The following TSHZ1 variants were observed in gnomAD, a reference collection of about 807,000 sequenced individuals.
TSHZ1 encodes teashirt homolog 1.
In TSHZ1, 12 loss-of-function variants were observed where a neutral mutation model predicts 67.1. That is an observed-to-expected ratio of 0.18 (90% CI 0.11 to 0.29). The LOEUF is 0.29. TSHZ1 is among the 10% of genes least tolerant of loss of function. TSHZ1 has a pLI of 1.00. For missense variants in TSHZ1, 1,305 were observed against 1,413.9 expected, an observed-to-expected ratio of 0.92 and a Z score of 1.23; for synonymous variants, 632 against 622.4, an observed-to-expected ratio of 1.02 and a Z score of -0.23.
At chr18:75,245,067 G>A (rs1264813376) in intron 1 of TSHZ1, among the ~76,000 whole-genome samples, 1 of 152,040 alleles carries the variant, frequency 6.6e-6, no homozygotes, top group Non-Finnish European at 1.5e-5. Flanking sequence ...GTTAATGAAC[G>A]AGTTGCAGTG....
intron 1 of TSHZ1, among the ~76,000 whole-genome samples, chr18:75,249,702 A>G (rs1386808331): frequency 7.0e-6 from 1 of 143,324 alleles, no homozygotes; most frequent in African/African-American, 2.7e-5. Flanking sequence ...TCACTCCTGC[A>G]GTAGGTAGGG....
At chr18:75,284,475 C>T (rs36046989) in intron 1 of TSHZ1, 1 of 152,192 alleles carries the variant, frequency 6.6e-6, no homozygotes, top group Non-Finnish European at 1.5e-5. Flanking sequence ...GCGTTAAGAA[C>T]GTTCATATTG....
chr18:75,257,068 C>T (rs1019123431), intron 1 of TSHZ1, among the ~76,000 whole-genome samples: 1 of 152,166 alleles, frequency 6.6e-6, no homozygotes, highest in Non-Finnish European at 1.5e-5. Context: ...ATGTGAAACA[C>T]CCTACTCTAT....
chr18:75,217,525 G>A (rs1446635737), intron 1 of TSHZ1, among the ~76,000 whole-genome samples: 1 of 152,150 alleles, frequency 6.6e-6, no homozygotes, highest in Non-Finnish European at 1.5e-5. Flanking sequence ...GGAGGCATTA[G>A]AACAAAGTTG....
rs1382649164 is a variant in TSHZ1 at position 75,288,379 on chromosome 18, C to T, written c.2972C>T (p.Thr991Ile). Residue 991 changes from threonine to isoleucine, a missense_variant, in exon 2 of 2, where the codon ACA becomes ATA. Physicochemically the swap from Thr to Ile is moderately conservative, Grantham distance 89. Transcript: ENST00000580243. This position sits in a 1 kb window ranked among gnomAD's most constrained non-coding sequence, Gnocchi z 4.9. ...TASTYISHLE[T>I]HLGFSLKDLS... ...TCTACATACATAAGTCATTTGGAGA[C>T]ACACTTGGGCTTCAGCCTGAAGGAT... 1 of 1,614,110 alleles carries T rather than the reference C, an allele frequency of 6.2e-7. No individual in the cohort carries two copies. Among genetic ancestry groups the T allele is most frequent in the Non-Finnish European group, 8.5e-7 (1 of 1,180,046 alleles).
Position 75,286,559 on chromosome 18 carries a change from A to G in TSHZ1, c.1152A>G (p.Lys384=). 1 of 1,614,200 alleles carries G rather than the reference A, an allele frequency of 6.2e-7. No individual in the cohort carries two copies. The highest frequency in any genetic ancestry group is 8.5e-7 in the Non-Finnish European group (1 of 1,180,046). Residue 384 remains lysine (K), a synonymous_variant, in exon 2 of 2, where the codon AAA becomes AAG. Transcript: ENST00000580243. This position sits in a 1 kb window ranked among gnomAD's most constrained non-coding sequence, Gnocchi z 5.1. ...VALSESAKDQ[K]AANPYVTPNN... Reference sequence around the variant, plus strand: ...TGAGTGAGTCAGCCAAGGATCAGAAAGCAGCGAACCCGTACGTCACGCCCA... The same window carrying G: ...TGAGTGAGTCAGCCAAGGATCAGAAGGCAGCGAACCCGTACGTCACGCCCA...
chr18:75,274,687 A>G (rs2023596270), intron 1 of TSHZ1, among the ~76,000 whole-genome samples: 1 of 152,188 alleles, frequency 6.6e-6, no homozygotes, highest in Non-Finnish European at 1.5e-5. Context: ...GTAAGTTGTT[A>G]TGTCTCTCTA....
intron 1 of TSHZ1, among the ~76,000 whole-genome samples, chr18:75,279,497 A>G (rs2023658768): frequency 6.6e-6 from 1 of 152,170 alleles, no homozygotes. Context: ...TGTTTGTCAG[A>G]CACTGCAGCC....
At chr18:75,230,712 G>T (rs377360641) in intron 1 of TSHZ1, among the ~76,000 whole-genome samples, 1 of 152,168 alleles carries the variant, frequency 6.6e-6, no homozygotes, top group African/African-American at 2.4e-5. Flanking sequence ...TTAAAGAGAC[G>T]TCGTCTTCTT....
At chr18:75,215,898 C>T (rs985891016) in intron 1 of TSHZ1, among the ~76,000 whole-genome samples, 10 of 151,968 alleles carry the variant, frequency 6.6e-5, no homozygotes, top group Non-Finnish European at 1.3e-4. Flanking sequence ...CTACTTAAGG[C>T]TGCCCTGTTC....
chr18:75,230,752 G>A (rs2022987614), intron 1 of TSHZ1, among the ~76,000 whole-genome samples: 1 of 152,164 alleles, frequency 6.6e-6, no homozygotes, highest in Admixed American at 6.5e-5. Flanking sequence ...CCCGTGATTT[G>A]TGGAAGTGGT....
chr18:75,227,611 T>C (rs1482606372), intron 1 of TSHZ1, among the ~76,000 whole-genome samples: 1 of 152,220 alleles, frequency 6.6e-6, no homozygotes, highest in Non-Finnish European at 1.5e-5. Context: ...ATTGTAATCA[T>C]GTGTGAGAAT....
chr18:75,277,482 A>C (rs1367327105), intron 1 of TSHZ1, among the ~76,000 whole-genome samples: 1 of 152,070 alleles, frequency 6.6e-6, no homozygotes, highest in African/African-American at 2.4e-5. Flanking sequence ...GACTGTGAGC[A>C]ACAGACTTGT....
chr18:75,271,574 C>G (rs2023557470), intron 1 of TSHZ1, among the ~76,000 whole-genome samples: 1 of 152,170 alleles, frequency 6.6e-6, no homozygotes, highest in South Asian at 2.1e-4. Context: ...TGTCACCTGT[C>G]TAGGTGAGTT....
At chr18:75,277,114 A>C (rs190173712) in intron 1 of TSHZ1, among the ~76,000 whole-genome samples, 7 of 152,300 alleles carry the variant, frequency 4.6e-5, no homozygotes, top group Admixed American at 3.9e-4. Context: ...AGGCACGGGG[A>C]AAAGAAGAAC....
At chr18:75,262,214 G>A (rs1421355854) in intron 1 of TSHZ1, among the ~76,000 whole-genome samples, 1 of 152,182 alleles carries the variant, frequency 6.6e-6, no homozygotes, top group East Asian at 1.9e-4. Context: ...GTTACCAGAA[G>A]ATTGTGATCA....
At position 75,211,453 on chromosome 18, in the gene TSHZ1, G is replaced by GGCGCAGGGGA; in HGVS notation, c.-419_-410dup. ...CGGCGACTCTCGGCTCGCGGAAGAA[G>GGCGCAGGGGA]GCGCAGGGGAGCGCCCGGAGCGGCG... On this transcript the variant is annotated 5_prime_UTR_variant, in exon 1 of 2. Coordinates refer to ENST00000580243, the MANE Select transcript of TSHZ1 (RefSeq NM_001308210.2). 6.6e-6 allele frequency: 1 copy of GGCGCAGGGGA among 151,158 alleles called. No homozygotes were observed. The highest frequency in any genetic ancestry group is 2.1e-4 in the South Asian group (1 of 4,812). The allele number at this position is 151,158 out of a possible 1,614,324, so 9.4% of individuals were successfully genotyped here.
intron 1 of TSHZ1, among the ~76,000 whole-genome samples, chr18:75,267,464 C>T (rs2023503154): frequency 6.6e-6 from 1 of 152,180 alleles, no homozygotes; most frequent in South Asian, 2.1e-4. Flanking sequence ...TCATTGCTTC[C>T]AGAGCGTAAA....
At chr18:75,262,747 G>A (rs546248736) in intron 1 of TSHZ1, among the ~76,000 whole-genome samples, 5 of 152,132 alleles carry the variant, frequency 3.3e-5, no homozygotes, top group Non-Finnish European at 5.9e-5. Context: ...TCTTCTCAGC[G>A]TCTTTCCTCT....
Sources: gnomAD v4.1 joint callset for allele counts (sites outside exome capture counted in the v4.1 genomes callset) on GRCh38, gnomAD v4.1.1 for gene constraint, Gnocchi (gnomAD v3.1) non-coding constraint, MANE v1.5 for transcripts, NCBI Gene and HGNC (gene_info 2026-07-23, HGNC 2026-07-21) for gene names.